The following DNAH6 variants were observed in gnomAD, a reference collection of about 807,000 sequenced individuals.
The protein encoded by DNAH6 is axonemal beta dynein heavy chain 6.
DNAH6 carries 340 observed loss-of-function variants against 491.4 expected under a neutral mutation model. The ratio of observed to expected loss-of-function variants is 0.69; its 90% confidence interval spans 0.63 to 0.76. DNAH6 has a LOEUF of 0.76. Ranked by LOEUF, DNAH6 falls within the 30% of genes least tolerant of loss-of-function variation. The probability of loss-of-function intolerance (pLI) is 0.00; values close to 1 mark genes in which losing one functional copy is unlikely to be tolerated. For missense variants in DNAH6, 4,443 were observed against 4,972.2 expected, an observed-to-expected ratio of 0.89 and a Z score of 3.20; for synonymous variants, 1,603 against 1,686.1, an observed-to-expected ratio of 0.95 and a Z score of 1.21.
At chr2:84,518,312 C>G (rs932224942) in intron 2 of DNAH6, among the ~76,000 whole-genome samples, 2 of 152,282 alleles carry the variant, frequency 1.3e-5, no homozygotes, top group East Asian at 3.9e-4. Flanking sequence ...ATGTACAATA[C>G]AGATACTTAA....
intron 42 of DNAH6, among the ~76,000 whole-genome samples, chr2:84,683,561 TAC>T (rs1396466550): frequency 6.6e-6 from 1 of 151,856 alleles, no homozygotes; most frequent in Non-Finnish European, 1.5e-5. Flanking sequence ...AAGCTTGGAT[TAC>T]AGGTGCACAC....
intron 33 of DNAH6, among the ~76,000 whole-genome samples, chr2:84,648,724 G>A (rs369748492): frequency 6.6e-6 from 1 of 152,192 alleles, no homozygotes; most frequent in Non-Finnish European, 1.5e-5. Flanking sequence ...GATTAGCAAA[G>A]AAAGTAGTTT....
Position 84,651,609 on chromosome 2 carries a change from A to T in DNAH6, c.5079-1710A>T, listed in dbSNP as rs547274194. Among the ~76,000 whole-genome samples the T allele has an allele frequency of 3.0e-4, 46 of 150,994 alleles. No homozygotes were observed. In the East Asian group the frequency reaches 8.4e-3, roughly 27 times the overall value. On this transcript the variant is annotated intron_variant, in intron 33 of 76. Transcript: ENST00000389394. The stretch of plus-strand genomic sequence containing the variant: ...AGCTTTTCCTGGGGCTTTTTTTTTT[A>T]AATCTGTGCCCATTGGCATTTCTAG...
chr2:84,461,464 T>C, the DNAH6 span, among the ~76,000 whole-genome samples: 2 of 152,258 alleles, frequency 1.3e-5, no homozygotes, highest in South Asian at 4.1e-4. Flanking sequence ...CACTAGTCAA[T>C]ACCACACCAC....
intron 52 of DNAH6, 51 bp from the exon 53 acceptor site, chr2:84,706,845 A>G: frequency 6.6e-7 from 1 of 1,507,366 alleles, no homozygotes. Flanking sequence ...TTAATGGGCA[A>G]ATTCAGCCTT....
At chr2:84,692,148 A>T (rs574697548) in intron 45 of DNAH6, among the ~76,000 whole-genome samples, 1 of 152,344 alleles carries the variant, frequency 6.6e-6, no homozygotes, top group East Asian at 1.9e-4. Flanking sequence ...TGATGTATAT[A>T]GTAACTAACT....
chr2:84,713,976 T>C (rs570630668), intron 57 of DNAH6, among the ~76,000 whole-genome samples: 68 of 152,258 alleles, frequency 4.5e-4, no homozygotes, highest in African/African-American at 1.4e-3. Flanking sequence ...ACTCTAGTAC[T>C]ACAGTGTCCA....
chr2:84,529,541 A>G (rs1674222585), intron 4 of DNAH6, among the ~76,000 whole-genome samples: 1 of 58,412 alleles, frequency 1.7e-5, no homozygotes, highest in African/African-American at 7.6e-5. Context: ...TGCTTTATAG[A>G]GTAGAAATAA....
At chr2:84,549,483 C>CA (rs1679114534) in intron 8 of DNAH6, among the ~76,000 whole-genome samples, 1 of 152,166 alleles carries the variant, frequency 6.6e-6, no homozygotes, top group African/African-American at 2.4e-5. Flanking sequence ...AACATTTATT[C>CA]AATAGCAAAG....
intron 48 of DNAH6, 74 bp downstream of exon 48, chr2:84,699,808 G>A (rs1695721569): frequency 1.7e-5 from 24 of 1,439,676 alleles, no homozygotes; most frequent in Non-Finnish European, 2.1e-5. Context: ...CATTGTCCAA[G>A]AGTAACTCAT....
intron 76 of DNAH6, 134 bp from the exon 77 acceptor site, chr2:84,819,171 G>C: frequency 1.7e-6 from 1 of 582,674 alleles, no homozygotes; most frequent in South Asian, 2.2e-5. Context: ...GACCCATAAA[G>C]GACTATTTGT....
At chr2:84,778,105 GTTGTGGCATGGCACAGGCCATGC>G in intron 64 of DNAH6, 2 of 799,690 alleles carry the variant, frequency 2.5e-6, no homozygotes, top group Non-Finnish European at 2.3e-6. Flanking sequence ...CTGCCCGTCA[GTTGTGGCATGGCACAGGCCATGC>G]CAACAGCACC....
intron 59 of DNAH6, among the ~76,000 whole-genome samples, chr2:84,720,436 G>A (rs1203303885): frequency 3.3e-5 from 5 of 150,414 alleles, no homozygotes; most frequent in South Asian, 2.1e-4. Context: ...CCGCCACTAC[G>A]CCCGGCTAAT....
At chr2:84,682,169 T>C (rs991365759) in intron 42 of DNAH6, among the ~76,000 whole-genome samples, 1 of 152,188 alleles carries the variant, frequency 6.6e-6, no homozygotes, top group Non-Finnish European at 1.5e-5. Flanking sequence ...CCCAACACTG[T>C]GCTCAACTGC....
intron 41 of DNAH6, among the ~76,000 whole-genome samples, chr2:84,677,925 G>C (rs2104709140): frequency 6.6e-6 from 1 of 152,274 alleles, no homozygotes; most frequent in East Asian, 1.9e-4. Flanking sequence ...CACAAAGGTA[G>C]AATAAGACAG....
chr2:84,806,692 C>G (rs1353573972), intron 71 of DNAH6, among the ~76,000 whole-genome samples: 1 of 148,784 alleles, frequency 6.7e-6, no homozygotes. Context: ...TTTCTTAGAT[C>G]GATAGGAGAT....
At chr2:84,610,012 G>T (rs1476892575) in intron 21 of DNAH6, among the ~76,000 whole-genome samples, 1 of 152,100 alleles carries the variant, frequency 6.6e-6, no homozygotes, top group Non-Finnish European at 1.5e-5. Flanking sequence ...GAGGCCTCTT[G>T]CTCAGGGTCT....
intron 13 of DNAH6, 78 bp from the exon 14 acceptor site, chr2:84,579,449 C>T (rs1174321827): frequency 6.7e-7 from 1 of 1,497,036 alleles, no homozygotes; most frequent in African/African-American, 1.4e-5. Context: ...TTAACAAATC[C>T]AATTAGGATT....
At position 84,703,577 on chromosome 2, in the gene DNAH6, C is replaced by G; in HGVS notation, c.8229+15C>G. 1 of 1,532,064 alleles carries G rather than the reference C, an allele frequency of 6.5e-7. No homozygotes were observed. Among genetic ancestry groups the G allele is most frequent in the East Asian group, 2.5e-5 (1 of 40,816 alleles). 94.9% of individuals were successfully genotyped at this position (1,532,064 alleles called of 1,614,324 possible). A position where few individuals can be genotyped will look rare whatever the true frequency, so the allele number is the denominator to read the frequency against. ...GTGCCGATCAGGTATGCTGCAGTTCCTGAGAATGTGGAAAAGGCTTCTGTC... is the reference window on the plus strand; with the variant it reads ...GTGCCGATCAGGTATGCTGCAGTTCGTGAGAATGTGGAAAAGGCTTCTGTC... On this transcript the variant is annotated intron_variant, in intron 50 of 76. Coordinates refer to ENST00000389394, the MANE Select transcript of DNAH6 (RefSeq NM_001370.2).
Sources: allele counts gnomAD v4.1 joint callset (sites outside exome capture counted in the v4.1 genomes callset), GRCh38; gene constraint gnomAD v4.1.1; transcripts MANE v1.5; gene names NCBI Gene and HGNC (gene_info 2026-07-23, HGNC 2026-07-21).